Variants in SLC22A17 observed in about 807,000 individuals in gnomAD.
SLC22A17 encodes solute carrier family 22 member 17.
A neutral mutation model predicts 53.6 loss-of-function variants in SLC22A17; 38 were observed. The ratio of observed to expected loss-of-function variants is 0.71; its 90% CI spans 0.55 to 0.93. The LOEUF is 0.93. Among genes scored for constraint, SLC22A17 ranks in the 40% least tolerant of loss-of-function variants. SLC22A17 has a pLI of 0.00. For synonymous variants in SLC22A17, 379 were observed against 353.0 expected (o/e 1.07, Z -0.82); for missense variants, 704 against 791.0 (o/e 0.89, Z 1.32).
intron 4 of SLC22A17, 47 bp downstream of exon 4, chr14:23,349,225 G>A (rs1263939816): frequency 5.0e-6 from 8 of 1,613,178 alleles, no homozygotes; most frequent in Admixed American, 1.7e-5. Context: ...ATGCAGGCAG[G>A]TAGGCATGAG....
Position 23,347,204 on chromosome 14 carries a change from C to T in SLC22A17, c.1558G>A (p.Glu520Lys), listed in dbSNP as rs955299617. ...ACAGAGAAAGTGGTGATGGCAGCCT[C>T]GTTCAGATCTGCAGAAGCAAGAGGG... Residue 520 changes from glutamate (E) to lysine (K), a missense_variant, in exon 9 of 10, where the codon GAG (glutamate) becomes AAG (lysine). By Grantham distance (56) the Glu-to-Lys change is moderately conservative. Transcript: ENST00000397267. This position sits in a 1 kb window ranked among gnomAD's most constrained non-coding sequence, Gnocchi z 5.1. The T allele has an allele frequency of 5.0e-6, 8 of 1,612,970 alleles. No homozygotes were observed. In the Admixed American group the frequency reaches 5.0e-5, roughly 10 times the overall value.
At chr14:23,351,540 G>T (rs140483819) in intron 3 of SLC22A17, 1 of 555,594 alleles carries the variant, frequency 1.8e-6, no homozygotes, top group South Asian at 2.4e-5. Flanking sequence ...GTCCATAGAG[G>T]TCGAGTCATT....
At position 23,348,534 on chromosome 14, in the gene SLC22A17, C is replaced by T. The variant is rs369848098; in HGVS notation, c.997G>A (p.Ala333Thr). The T allele has an allele frequency of 8.7e-6, 14 of 1,613,844 alleles. No homozygotes were observed. Among genetic ancestry groups the T allele is most frequent in the Non-Finnish European group, 1.2e-5 (14 of 1,179,924 alleles). Residue 333 changes from alanine (A) to threonine (T), a missense_variant, in exon 5 of 10, where the codon GCT becomes ACT. Physicochemically the swap from Ala to Thr is moderately conservative, Grantham distance 58. This residue lies in a region of SLC22A17 where 435 missense variants were observed against 529.0 expected (regional missense o/e 0.82). Coordinates refer to ENST00000397267, the Ensembl canonical transcript of SLC22A17. This position sits in a 1 kb window ranked among gnomAD's most constrained non-coding sequence, Gnocchi z 4.5. The stretch of plus-strand genomic sequence containing the variant: ...TAAAACAGGAAGAGGATGCAGGGAG[C>T]GGTGATCATTCGCTGTAGGAATCGC...
In SLC22A17 at chr14:23,348,235, A is replaced by G. The variant is rs756172201; in HGVS notation, c.1097T>C (p.Val366Ala). The G allele has an allele frequency of 1.2e-6, 2 of 1,614,118 alleles. No individual in the cohort carries two copies. Among genetic ancestry groups the G allele is most frequent in the Admixed American group, 3.3e-5 (2 of 60,032 alleles). ...GTTTCGCTCAGCCAGGATCCTCAGC[A>G]CAGACTGAGCCTCCTCAATCTGCCG... Residue 366 changes from valine to alanine, a missense_variant, in exon 6 of 10, where the codon GTG becomes GCG. Val to Ala is a moderately conservative substitution (Grantham distance 64, BLOSUM62 0). This residue lies in a region of SLC22A17 where 435 missense variants were observed against 529.0 expected (regional missense o/e 0.82). Transcript: ENST00000397267. The surrounding 1 kb of genome is among the most constrained non-coding windows in gnomAD (Gnocchi z 4.5).
In SLC22A17 at chr14:23,348,294, C is replaced by T. The variant is rs772625214; in HGVS notation, c.1038G>A (p.Leu346=). The T allele has an allele frequency of 1.9e-6, 3 of 1,614,052 alleles. No individual in the cohort carries two copies. The South Asian group carries it at 3.3e-5, about 18-fold the overall frequency. ...TCAGCCACCGTGCGGACTCCAGGAACAAACCAGGCCAGCTGGGGGCAGGGG... is the reference window on the plus strand; with the variant it reads ...TCAGCCACCGTGCGGACTCCAGGAATAAACCAGGCCAGCTGGGGGCAGGGG... Residue 346 remains leucine, a synonymous_variant, in exon 6 of 10, where the codon TTG becomes TTA. Transcript: ENST00000397267. This position sits in a 1 kb window ranked among gnomAD's most constrained non-coding sequence, Gnocchi z 4.5.
In SLC22A17 at chr14:23,348,431, AGG is replaced by A; in HGVS notation, c.1025+73_1025+74del. Reference sequence around the variant, plus strand: ...GGACCAGGGGTAGTTGGAGAAGAGGAGGGGTCTCCGGGCTAGGGCTAGTTTGG... The same window carrying A: ...GGACCAGGGGTAGTTGGAGAAGAGGAGGTCTCCGGGCTAGGGCTAGTTTGG... On this transcript the variant is annotated intron_variant, in intron 5 of 9. Transcript: ENST00000397267. This position sits in a 1 kb window ranked among gnomAD's most constrained non-coding sequence, Gnocchi z 4.5. 1 of 1,584,886 alleles carries A rather than the reference AGG, an allele frequency of 6.3e-7. No individual in the cohort carries two copies. The highest frequency in any genetic ancestry group is 8.6e-7 in the Non-Finnish European group (1 of 1,162,456).
chr14:23,348,784 T>C lies in SLC22A17; in HGVS notation c.860-113A>G. ...ACAGAGAGAGAGGTCAGACCCAGAG[T>C]GGAGGCTGCAGCCATTGCCTCCCTT... On this transcript the variant is annotated intron_variant, in intron 4 of 9. Transcript: ENST00000397267. This position sits in a 1 kb window ranked among gnomAD's most constrained non-coding sequence, Gnocchi z 4.5. 4 of 1,179,108 alleles carry C rather than the reference T, an allele frequency of 3.4e-6. No homozygotes were observed. The highest frequency in any genetic ancestry group is 4.6e-6 in the Non-Finnish European group (4 of 860,556). The allele number at this position is 1,179,108 out of a possible 1,614,324, so 73.0% of individuals were successfully genotyped here.
chr14:23,349,846 C>G (rs1333982524), intron 3 of SLC22A17: 1 of 193,504 alleles, frequency 5.2e-6, no homozygotes, highest in African/African-American at 2.3e-5. Flanking sequence ...CATTGATATA[C>G]GGAGTTGGAA....
At position 23,347,038 on chromosome 14, in the gene SLC22A17, T is replaced by C. The variant is rs1595004366; in HGVS notation, c.1661+63A>G. The C allele has an allele frequency of 2.6e-5, 39 of 1,524,480 alleles. No individual in the cohort carries two copies. In the South Asian group the frequency reaches 4.3e-4, roughly 17 times the overall value. 94.4% of individuals were successfully genotyped at this position (1,524,480 alleles called of 1,614,324 possible). A position where few individuals can be genotyped will look rare whatever the true frequency, so the allele number is the denominator to read the frequency against. On this transcript the variant is annotated intron_variant, in intron 9 of 9. Transcript: ENST00000397267. This position sits in a 1 kb window ranked among gnomAD's most constrained non-coding sequence, Gnocchi z 5.1. Reference sequence around the variant, plus strand: ...AGCCCGCAGGCCCTGTCCTCAGGGGTGGGGTGGGGGAGCGGGAGGCGAGGG... The same window carrying C: ...AGCCCGCAGGCCCTGTCCTCAGGGGCGGGGTGGGGGAGCGGGAGGCGAGGG...
In SLC22A17 at chr14:23,347,723, G is replaced by T; in HGVS notation, c.1286C>A (p.Ala429Asp). The change falls in exon 8 of 10, where the codon GCC becomes GAC. Residue 429 changes from alanine (A) to aspartate (D), a missense_variant. Physicochemically the swap from Ala to Asp is moderately radical, Grantham distance 126. This residue lies in a region of SLC22A17 where 435 missense variants were observed against 529.0 expected (regional missense o/e 0.82). Coordinates refer to ENST00000397267, the Ensembl canonical transcript of SLC22A17. This position sits in a 1 kb window ranked among gnomAD's most constrained non-coding sequence, Gnocchi z 5.1. ...CTGGTAGCAGTGGCGAATGGCATGG[G>T]CAATGAAGCTGTGAGAAGGGGTGGG... The T allele has an allele frequency of 6.2e-7, 1 of 1,613,544 alleles. No individual in the cohort carries two copies. Among genetic ancestry groups the T allele is most frequent in the Non-Finnish European group, 8.5e-7 (1 of 1,179,744 alleles).
At chr14:23,346,973 G>A in intron 9 of SLC22A17, 37 bp from the exon 10 acceptor site, 1 of 1,507,694 alleles carries the variant, frequency 6.6e-7, no homozygotes, top group South Asian at 1.3e-5. Context: ...GCCCACAGCT[G>A]TAGCCTTGCT....
At position 23,348,739 on chromosome 14, in the gene SLC22A17, A is replaced by G. The variant is rs7161347; in HGVS notation, c.860-68T>C. 3.8e-3 allele frequency: 5,582 copies of G among 1,473,722 alleles called. 169 individuals are homozygous for G. In the African/African-American group the frequency reaches 0.07, roughly 19 times the overall value. The allele number at this position is 1,473,722 out of a possible 1,614,324, so 91.3% of individuals were successfully genotyped here. ...GAGGAAGAAGGCATAAGAGAGAAGA[A>G]GAAAGAGGGAGGGAGGAGGACAGAG... On this transcript the variant is annotated intron_variant, in intron 4 of 9. Coordinates refer to ENST00000397267, the Ensembl canonical transcript of SLC22A17. The surrounding 1 kb of genome is among the most constrained non-coding windows in gnomAD (Gnocchi z 4.5).
At chr14:23,351,496 A>C in intron 3 of SLC22A17, 1 of 435,178 alleles carries the variant, frequency 2.3e-6, no homozygotes, top group Non-Finnish European at 4.1e-6. Context: ...ATTCACGGAT[A>C]GGGGGCCACT....
chr14:23,351,940 C>CGCCTCACCTG lies in SLC22A17; in HGVS notation c.598_600+7dup. The stretch of plus-strand genomic sequence containing the variant: ...CCCCCAGACCCGCGGCCCGCCTGGC[C>CGCCTCACCTG]GCCTCACCTGGCCGATGGCGTTGGT... On this transcript the variant is annotated splice_region_variant and intron_variant, in intron 2 of 9. Transcript: ENST00000397267. The CGCCTCACCTG allele has an allele frequency of 6.2e-7, 1 of 1,612,016 alleles. No homozygotes were observed. Among genetic ancestry groups the CGCCTCACCTG allele is most frequent in the South Asian group, 1.1e-5 (1 of 90,958 alleles).
Position 23,347,096 on chromosome 14 carries a change from C to T in SLC22A17, c.1661+5G>A, listed in dbSNP as rs1332632010. The T allele has an allele frequency of 1.2e-6, 2 of 1,610,954 alleles. No homozygotes were observed. Among genetic ancestry groups the T allele is most frequent in the Admixed American group, 1.7e-5 (1 of 59,788 alleles). ...CTCTGCCCCTGGGGGCACCCCTGCTCTCACCGGACAGTGGTGGGGATGACC... is the reference window on the plus strand; with the variant it reads ...CTCTGCCCCTGGGGGCACCCCTGCTTTCACCGGACAGTGGTGGGGATGACC... On this transcript the variant is annotated splice_donor_5th_base_variant and intron_variant, in intron 9 of 9. Transcript: ENST00000397267. This position sits in a 1 kb window ranked among gnomAD's most constrained non-coding sequence, Gnocchi z 5.1.
chr14:23,352,582 A>T lies in SLC22A17; in HGVS notation c.96+64T>A. The T allele has an allele frequency of 2.4e-6, 1 of 415,392 alleles. No homozygotes were observed. Among genetic ancestry groups the T allele is most frequent in the Non-Finnish European group, 4.2e-6 (1 of 238,050 alleles). 25.7% of individuals were successfully genotyped at this position (415,392 alleles called of 1,614,324 possible). A position where few individuals can be genotyped will look rare whatever the true frequency, so the allele number is the denominator to read the frequency against. On this transcript the variant is annotated intron_variant, in intron 1 of 9. Transcript: ENST00000397267. This position sits in a 1 kb window ranked among gnomAD's most constrained non-coding sequence, Gnocchi z 7.2. The stretch of plus-strand genomic sequence containing the variant: ...GGGATGCGCAGGAGGAAAATGCCAG[A>T]CGCTCCGCGGGGGCGGGGGTGCTGG...
Position 23,351,575 on chromosome 14 carries a change from G to A in SLC22A17, c.704+177C>T, listed in dbSNP as rs899776718. The A allele has an allele frequency of 1.0e-5, 6 of 593,610 alleles. No homozygotes were observed. In the African/African-American group the frequency reaches 1.1e-4, roughly 11 times the overall value. The allele number at this position is 593,610 out of a possible 1,614,324, so 36.8% of individuals were successfully genotyped here. On this transcript the variant is annotated intron_variant, in intron 3 of 9. Coordinates refer to ENST00000397267, the Ensembl canonical transcript of SLC22A17. Reference sequence around the variant, plus strand: ...TCCCTTGCGCGGAAGAGGTAGGGAAGGGGTATTTCTTGATGGAGAGTGAAG... The same window carrying A: ...TCCCTTGCGCGGAAGAGGTAGGGAAAGGGTATTTCTTGATGGAGAGTGAAG...
Position 23,348,326 on chromosome 14 carries a change from G to A in SLC22A17, c.1026-20C>T, listed in dbSNP as rs912211166. 6.2e-7 allele frequency: 1 copy of A among 1,613,432 alleles called. No individual in the cohort carries two copies. On this transcript the variant is annotated intron_variant, in intron 5 of 9. Coordinates refer to ENST00000397267, the Ensembl canonical transcript of SLC22A17. The surrounding 1 kb of genome is among the most constrained non-coding windows in gnomAD (Gnocchi z 4.5). ...GGCCAGCTGGGGGCAGGGGGGAAGG[G>A]GTATACTGTGAGGCCTCCCTTCTCC... is the stretch of plus-strand genomic sequence containing the variant.
chr14:23,347,187 A>G lies in SLC22A17; in HGVS notation c.1575T>C (p.Thr525=), dbSNP rs1423629821. The G allele has an allele frequency of 6.2e-7, 1 of 1,613,794 alleles. No individual in the cohort carries two copies. The highest frequency in any genetic ancestry group is 1.7e-5 in the Admixed American group (1 of 59,990). ...AGGAGAAGAGCCCAAGGACAGAGAA[A>G]GTGGTGATGGCAGCCTCGTTCAGAT... is the stretch of plus-strand genomic sequence containing the variant. Residue 525 remains threonine (T), a synonymous_variant, in exon 9 of 10, where the codon ACT becomes ACC. Transcript: ENST00000397267. The surrounding 1 kb of genome is among the most constrained non-coding windows in gnomAD (Gnocchi z 5.1).
Sources: allele counts gnomAD v4.1 joint callset, GRCh38; gene constraint gnomAD v4.1.1; regional missense constraint gnomAD v4.1.1; non-coding constraint Gnocchi (gnomAD v3.1); transcripts MANE v1.5; gene names NCBI Gene and HGNC (gene_info 2026-07-23, HGNC 2026-07-21).